The following RIPOR2 variants were observed in gnomAD, a reference collection of about 807,000 sequenced individuals.
RIPOR2 encodes rho family-interacting cell polarization regulator 2.
In RIPOR2, 39 loss-of-function variants were observed where a neutral mutation model predicts 114.5. The observed-to-expected ratio is 0.34, with a 90% CI of 0.26 to 0.44. The LOEUF is 0.44. Ranked by LOEUF, RIPOR2 falls within the 20% of genes least tolerant of loss-of-function variation. The pLI is 1.00. For missense variants in RIPOR2, 1,007 were observed against 1,255.1 expected, an observed-to-expected ratio of 0.80 and a Z score of 2.99; for synonymous variants, 445 against 484.4, an observed-to-expected ratio of 0.92 and a Z score of 1.07.
intron 19 of RIPOR2, among the ~76,000 whole-genome samples, chr6:24,819,662 A>ATTTTTGTTTTTTTTT (rs1759494434): frequency 9.7e-6 from 1 of 103,308 alleles, no homozygotes; most frequent in South Asian, 4.2e-4. Flanking sequence ...CGCCCAGCTA[A>ATTTTTGTTTTTTTTT]TTTTTTTTTT....
upstream of RIPOR2, among the ~76,000 whole-genome samples, chr6:24,940,231 C>T (rs944333533): frequency 3.9e-5 from 6 of 152,190 alleles, no homozygotes; most frequent in East Asian, 1.9e-4. Flanking sequence ...AAAAATACCA[C>T]CTGTGAAGCG....
chr6:25,029,003 C>T (rs1328238195), intron 1 of RIPOR2, among the ~76,000 whole-genome samples: 1 of 152,018 alleles, frequency 6.6e-6, no homozygotes, highest in Non-Finnish European at 1.5e-5. Flanking sequence ...AAAGAAATGA[C>T]GAGGGCCGGG....
chr6:24,932,446 T>C (rs912660836), intron 1 of RIPOR2, among the ~76,000 whole-genome samples: 18 of 152,122 alleles, frequency 1.2e-4, no homozygotes, highest in Non-Finnish European at 2.1e-4. Context: ...TTTCTGTCTC[T>C]CTTTCTCTTT....
intron 1 of RIPOR2, among the ~76,000 whole-genome samples, chr6:25,016,155 C>T (rs1478190411): frequency 3.4e-4 from 52 of 151,994 alleles, no homozygotes; most frequent in Non-Finnish European, 1.5e-5. Context: ...GATTCACCCG[C>T]CTCGGGCTCC....
chr6:24,984,967 C>T (rs989713766), intron 1 of RIPOR2, among the ~76,000 whole-genome samples: 14 of 152,196 alleles, frequency 9.2e-5, no homozygotes, highest in South Asian at 2.1e-4. Flanking sequence ...AGAAGCCCTG[C>T]GAGCCCCTCT....
At chr6:25,011,500 C>G (rs1282008733) in intron 1 of RIPOR2, among the ~76,000 whole-genome samples, 3 of 152,154 alleles carry the variant, frequency 2.0e-5, no homozygotes. Context: ...GTCTGCTTTT[C>G]CACAAAGGAA....
intron 1 of RIPOR2, among the ~76,000 whole-genome samples, chr6:25,019,655 G>C (rs1776204224): frequency 6.6e-6 from 1 of 150,428 alleles, no homozygotes; most frequent in African/African-American, 2.4e-5. Flanking sequence ...GTGCCTGTAA[G>C]TCCTGGCTAC....
intron 1 of RIPOR2, chr6:25,014,983 T>C (rs1775907069): frequency 6.7e-6 from 1 of 148,860 alleles, no homozygotes; most frequent in Non-Finnish European, 1.5e-5. Flanking sequence ...ACAGTGACCT[T>C]TTATTAAATG....
Position 24,855,489 on chromosome 6 carries a change from T to A in RIPOR2, c.716-2871A>T, listed in dbSNP as rs1417333316. Among the ~76,000 whole-genome samples the A allele has an allele frequency of 1.6e-4, 24 of 152,224 alleles. 1 individual carries two copies. The highest frequency in any genetic ancestry group is 1.6e-3 in the Admixed American group (24 of 15,276). On this transcript the variant is annotated intron_variant, in intron 8 of 21. Transcript: ENST00000643898. ...CCTCCCTGTTTACCCAGTAATTTTT[T>A]AGAGGCACTCCGAGGAAATAATTTT...
intron 1 of RIPOR2, among the ~76,000 whole-genome samples, chr6:24,994,599 G>A (rs928440928): frequency 2.0e-5 from 3 of 152,178 alleles, no homozygotes; most frequent in African/African-American, 7.2e-5. Context: ...GAAGGGACTT[G>A]AAGGATGTGG....
chr6:24,970,608 C>T (rs1249401837), intron 1 of RIPOR2, among the ~76,000 whole-genome samples: 1 of 152,116 alleles, frequency 6.6e-6, no homozygotes, highest in Non-Finnish European at 1.5e-5. Flanking sequence ...AGTTTATAGC[C>T]TCCGGGTTCA....
chr6:25,035,091 A>G (rs1017478656), intron 1 of RIPOR2, among the ~76,000 whole-genome samples: 1 of 152,200 alleles, frequency 6.6e-6, no homozygotes, highest in Non-Finnish European at 1.5e-5. Context: ...AGGGTCCCTA[A>G]AACAAAAAGC....
In RIPOR2 at chr6:24,985,442, G is replaced by T. The variant is rs932594903; in HGVS notation, c.76+56409C>A. ...CAAAATCTCTTGACAACAACAAGTTGCTGACTGGCCCTGAATGTCTCAGCA... is the reference window on the plus strand; with the variant it reads ...CAAAATCTCTTGACAACAACAAGTTTCTGACTGGCCCTGAATGTCTCAGCA... On this transcript the variant is annotated intron_variant, in intron 1 of 13. Coordinates refer to the RIPOR2 transcript ENST00000510784. Among the ~76,000 whole-genome samples, 4 of 152,166 alleles carry T rather than the reference G, an allele frequency of 2.6e-5. No homozygotes were observed. The East Asian group carries it at 7.7e-4, about 29-fold the overall frequency.
At chr6:24,867,214 A>C (rs1764691916) in intron 6 of RIPOR2, among the ~76,000 whole-genome samples, 1 of 152,216 alleles carries the variant, frequency 6.6e-6, no homozygotes, top group Non-Finnish European at 1.5e-5. Context: ...TCTTTGATTA[A>C]GAGGGAGATA....
intron 1 of RIPOR2, among the ~76,000 whole-genome samples, chr6:25,031,794 A>G (rs1197799215): frequency 7.3e-6 from 1 of 137,836 alleles, no homozygotes; most frequent in Non-Finnish European, 1.6e-5. Context: ...ATATCCATAG[A>G]ATATATATAA....
intron 1 of RIPOR2, among the ~76,000 whole-genome samples, chr6:24,945,460 TAA>T (rs1424245074): frequency 6.6e-6 from 1 of 152,130 alleles, no homozygotes; most frequent in African/African-American, 2.4e-5. Flanking sequence ...TAAGTAAACA[TAA>T]AAGACAGTAC....
intron 1 of RIPOR2, among the ~76,000 whole-genome samples, chr6:24,973,703 T>A (rs1411638295): frequency 6.6e-6 from 1 of 151,594 alleles, no homozygotes. Context: ...TAGGTGCCCA[T>A]CAATGGTGGA....
intron 1 of RIPOR2, among the ~76,000 whole-genome samples, chr6:25,018,377 A>C (rs1262112027): frequency 1.3e-5 from 2 of 152,236 alleles, no homozygotes. Flanking sequence ...ACCACCAAAA[A>C]AGAGTTTGTA....
chr6:24,987,070 G>T (rs144083213), intron 1 of RIPOR2, among the ~76,000 whole-genome samples: 1 of 152,330 alleles, frequency 6.6e-6, no homozygotes, highest in African/African-American at 2.4e-5. Flanking sequence ...AGAATCAACA[G>T]GTCAAAGTTA....
Sources: gnomAD v4.1 joint callset for allele counts (sites outside exome capture counted in the v4.1 genomes callset) on GRCh38, gnomAD v4.1.1 for gene constraint, MANE v1.5 for transcripts, NCBI Gene and HGNC (gene_info 2026-07-23, HGNC 2026-07-21) for gene names.